Variants in UBE3B observed in about 807,000 individuals in gnomAD.
The protein encoded by UBE3B is ubiquitin-protein ligase E3B.
In UBE3B, 80 loss-of-function variants were observed where a neutral mutation model predicts 132.3. That is an observed-to-expected ratio of 0.60 (90% CI 0.50 to 0.73). The LOEUF (loss-of-function observed/expected upper bound fraction) is 0.73. Among genes scored for constraint, UBE3B ranks in the 30% least tolerant of loss-of-function variants. The pLI, the probability that UBE3B is intolerant of heterozygous loss-of-function variation, is 0.00. For missense variants in UBE3B, 1,196 were observed against 1,362.5 expected, an observed-to-expected ratio of 0.88 and a Z score of 1.92; for synonymous variants, 487 against 520.4, an observed-to-expected ratio of 0.94 and a Z score of 0.87.
In UBE3B at chr12:109,514,127, A is replaced by G. The variant is rs149885870; in HGVS notation, c.1957-2638A>G. ...ACGTGCACAGCACTTCATTTTCTGCACCCTCTTACATCGCTTTTACCTGTT... is the reference window on the plus strand; with the variant it reads ...ACGTGCACAGCACTTCATTTTCTGCGCCCTCTTACATCGCTTTTACCTGTT... On this transcript the variant is annotated intron_variant, in intron 18 of 27. Coordinates refer to ENST00000342494, the MANE Select transcript of UBE3B (RefSeq NM_130466.4). 9.6e-4 allele frequency among the ~76,000 whole-genome samples: 146 copies of G among 152,188 alleles called. 1 individual carries two copies. The highest frequency in any genetic ancestry group is 3.4e-3 in the African/African-American group (140 of 41,536).
chr12:109,507,670 T>G lies in UBE3B; in HGVS notation c.1557T>G (p.Thr519=). ...TCTTGGAATGCCTGAACAATGACACTGAAGAGTCCAAGCAACTCTTGGCCA... is the reference window on the plus strand; with the variant it reads ...TCTTGGAATGCCTGAACAATGACACGGAAGAGTCCAAGCAACTCTTGGCCA... ...KLFLECLNND[T]EESKQLLAML... The change falls in exon 15 of 28, where the codon ACT becomes ACG. Residue 519 remains threonine (T), a synonymous_variant. Coordinates refer to ENST00000342494, the MANE Select transcript of UBE3B (RefSeq NM_130466.4). 6.2e-7 allele frequency: 1 copy of G among 1,614,220 alleles called. No homozygotes were observed. Among genetic ancestry groups the G allele is most frequent in the Non-Finnish European group, 8.5e-7 (1 of 1,180,048 alleles).
At chr12:109,488,524 G>T in intron 6 of UBE3B, 48 bp from the exon 7 acceptor site, 1 of 1,544,242 alleles carries the variant, frequency 6.5e-7, no homozygotes, top group Non-Finnish European at 9.0e-7. Flanking sequence ...TTCACTGTCT[G>T]GAATCAGAAG....
At chr12:109,500,546 GC>G (rs1308495977) in intron 12 of UBE3B, among the ~76,000 whole-genome samples, 5 of 152,168 alleles carry the variant, frequency 3.3e-5, no homozygotes, top group Non-Finnish European at 7.4e-5. Flanking sequence ...AAGACTCATT[GC>G]TAGGGAACAG....
rs1044976875 is a variant in UBE3B at position 109,484,091 on chromosome 12, C to G, written c.282+110C>G. ...GCTTTATGAGGTAATTACTGTCACC[C>G]TCACATCCTGTCCCTTTTGTTTTCT... On this transcript the variant is annotated intron_variant, in intron 4 of 27. Transcript: ENST00000342494. The G allele has an allele frequency of 5.1e-6, 6 of 1,168,740 alleles. No homozygotes were observed. In the Admixed American group the frequency reaches 1.7e-4, roughly 33 times the overall value. The allele number at this position is 1,168,740 out of a possible 1,614,324, so 72.4% of individuals were successfully genotyped here. A position where few individuals can be genotyped will look rare whatever the true frequency, so the allele number is the denominator to read the frequency against.
At chr12:109,480,876 C>G (rs1344444801) in intron 1 of UBE3B, among the ~76,000 whole-genome samples, 2 of 152,122 alleles carry the variant, frequency 1.3e-5, no homozygotes, top group Non-Finnish European at 2.9e-5. Flanking sequence ...ATAGTTCATG[C>G]TAGTTTTGTA....
At chr12:109,545,852 A>G in the UBE3B span, among the ~76,000 whole-genome samples, 2 of 152,144 alleles carry the variant, frequency 1.3e-5, no homozygotes, top group African/African-American at 4.8e-5. Flanking sequence ...GGTCTCCCCA[A>G]GGCTGCAGAG....
intron 25 of UBE3B, 94 bp from the exon 26 acceptor site, chr12:109,530,453 G>C: frequency 3.9e-6 from 4 of 1,020,422 alleles, no homozygotes; most frequent in Non-Finnish European, 6.0e-6. Flanking sequence ...AGGCCTGCCA[G>C]AGTGGACCGT....
At chr12:109,481,248 A>C (rs930866461) in intron 1 of UBE3B, among the ~76,000 whole-genome samples, 1 of 152,000 alleles carries the variant, frequency 6.6e-6, no homozygotes, top group African/African-American at 2.4e-5. Context: ...ACCTGGGAGC[A>C]GAAGTTATAG....
intron 24 of UBE3B, among the ~76,000 whole-genome samples, chr12:109,529,122 C>A (rs1053582743): frequency 1.3e-5 from 2 of 152,150 alleles, no homozygotes; most frequent in African/African-American, 2.4e-5. Context: ...GATCGCACCA[C>A]TGCACTCCAG....
intron 1 of UBE3B, among the ~76,000 whole-genome samples, chr12:109,480,270 C>A (rs1875146951): frequency 6.6e-6 from 1 of 151,524 alleles, no homozygotes; most frequent in Non-Finnish European, 1.5e-5. Context: ...ACAATGTGCA[C>A]TCAAGTACCT....
the UBE3B span, among the ~76,000 whole-genome samples, chr12:109,543,748 A>T: frequency 3.3e-5 from 5 of 152,032 alleles, no homozygotes; most frequent in Non-Finnish European, 7.4e-5. Flanking sequence ...CAGGAGAATC[A>T]CTTGAACCCG....
In UBE3B at chr12:109,534,876, A is replaced by C; in HGVS notation, c.*94A>C. 1.8e-6 allele frequency: 2 copies of C among 1,141,126 alleles called. No individual in the cohort carries two copies. The highest frequency in any genetic ancestry group is 3.2e-5 in the South Asian group (2 of 61,816). The allele number at this position is 1,141,126 out of a possible 1,614,324, so 70.7% of individuals were successfully genotyped here. ...GTCCTGGGAATGTGACCAACATGCC[A>C]GGTGACATTGGCCCCTAGACCCTCT... On this transcript the variant is annotated 3_prime_UTR_variant, in exon 28 of 28. Transcript: ENST00000342494. The surrounding 1 kb of genome is among the most constrained non-coding windows in gnomAD (Gnocchi z 5.2).
downstream of UBE3B, among the ~76,000 whole-genome samples, chr12:109,538,670 A>C (rs1883539841): frequency 6.6e-6 from 1 of 152,224 alleles, no homozygotes; most frequent in Non-Finnish European, 1.5e-5. This position sits in a 1 kb window ranked among gnomAD's most constrained non-coding sequence, Gnocchi z 4.1. Flanking sequence ...TTAAGCTTCC[A>C]GAGTGGCTCC....
chr12:109,518,923 T>C (rs987550629), intron 19 of UBE3B, among the ~76,000 whole-genome samples: 3 of 152,180 alleles, frequency 2.0e-5, no homozygotes, highest in African/African-American at 7.2e-5. Flanking sequence ...CCAGGGGCCT[T>C]TGCTGGATTT....
rs761373980 is a variant in UBE3B at position 109,510,423 on chromosome 12, G to A, written c.1821G>A (p.Arg607=). The change falls in exon 17 of 28, where the codon CGG becomes CGA. Residue 607 remains arginine (R), a synonymous_variant. Coordinates refer to ENST00000342494, the MANE Select transcript of UBE3B (RefSeq NM_130466.4). ...TGGTGCTGTACGAGCGGGACTGCCG[G>A]CGGCGCTTCACCCCCGAGGACCACT... ...WLMVLYERDC[R]RRFTPEDHWL... 2.0e-5 allele frequency: 32 copies of A among 1,612,830 alleles called. No homozygotes were observed. The highest frequency in any genetic ancestry group is 5.1e-6 in the Non-Finnish European group (6 of 1,179,648).
intron 24 of UBE3B, chr12:109,528,350 G>C: frequency 1.0e-6 from 1 of 985,234 alleles, no homozygotes; most frequent in Non-Finnish European, 1.2e-6. Context: ...CTCGTCACCT[G>C]CTTCAAAGTA....
chr12:109,485,107 A>G (rs1276577187), intron 4 of UBE3B, among the ~76,000 whole-genome samples: 5 of 152,212 alleles, frequency 3.3e-5, no homozygotes, highest in African/African-American at 1.2e-4. Context: ...TATCCTGCAA[A>G]TCATACAAAA....
intron 26 of UBE3B, 106 bp from the exon 27 acceptor site, chr12:109,533,360 A>G: frequency 1.8e-6 from 2 of 1,092,058 alleles, no homozygotes; most frequent in Non-Finnish European, 2.8e-6. Flanking sequence ...GACAGCAGTT[A>G]CAACACGGTA....
At chr12:109,499,301 A>G (rs182753636) in intron 11 of UBE3B, among the ~76,000 whole-genome samples, 1 of 152,230 alleles carries the variant, frequency 6.6e-6, no homozygotes, top group East Asian at 1.9e-4. Context: ...AATATCACCT[A>G]CCTCTGTGTG....
Sources: gnomAD v4.1 joint callset for allele counts (sites outside exome capture counted in the v4.1 genomes callset) on GRCh38, gnomAD v4.1.1 for gene constraint, Gnocchi (gnomAD v3.1) non-coding constraint, MANE v1.5 for transcripts, NCBI Gene and HGNC (gene_info 2026-07-23, HGNC 2026-07-21) for gene names.